Variants in NRXN1 observed in about 807,000 individuals in gnomAD.
The protein encoded by NRXN1 is neurexin 1.
Under a neutral mutation model 150.9 loss-of-function variants are expected in NRXN1, and 39 were observed. The ratio of observed to expected loss-of-function variants is 0.26; its 90% CI spans 0.20 to 0.34. The LOEUF (loss-of-function observed/expected upper bound fraction) is 0.34. Ranked by LOEUF, NRXN1 falls within the 10% of genes least tolerant of loss-of-function variation. The pLI is 1.00. For missense variants in NRXN1, 1,815 were observed against 1,949.9 expected (o/e 0.93, Z 1.30); for synonymous variants, 924 against 757.0 (o/e 1.22, Z -3.62).
At chr2:50,935,080 AT>A (rs1688323329) in intron 2 of NRXN1, among the ~76,000 whole-genome samples, 1 of 152,144 alleles carries the variant, frequency 6.6e-6, no homozygotes, top group Non-Finnish European at 1.5e-5. Context: ...GTCTATGACC[AT>A]TTTTCAATGT....
At chr2:50,671,143 G>A (rs1688782085) in intron 5 of NRXN1, among the ~76,000 whole-genome samples, 1 of 151,626 alleles carries the variant, frequency 6.6e-6, no homozygotes. Flanking sequence ...CTTCTACAAA[G>A]CTTGTATCTA....
At chr2:50,760,025 A>G (rs1189458203) in intron 5 of NRXN1, among the ~76,000 whole-genome samples, 2 of 151,898 alleles carry the variant, frequency 1.3e-5, no homozygotes, top group African/African-American at 4.8e-5. Flanking sequence ...AGCAGATCAT[A>G]GACTCAGTTT....
chr2:50,708,609 G>T (rs977182792), intron 5 of NRXN1, among the ~76,000 whole-genome samples: 1 of 152,036 alleles, frequency 6.6e-6, no homozygotes, highest in Non-Finnish European at 1.5e-5. Context: ...GTTACACAGA[G>T]GGAAGACTTA....
At chr2:50,543,650 C>T (rs1020192311) in intron 9 of NRXN1, among the ~76,000 whole-genome samples, 1 of 152,032 alleles carries the variant, frequency 6.6e-6, no homozygotes, top group Non-Finnish European at 1.5e-5. Flanking sequence ...TAAAACAGCT[C>T]TTAGTTATAA....
chr2:50,939,699 A>T (rs928619494), intron 2 of NRXN1, among the ~76,000 whole-genome samples: 1 of 152,196 alleles, frequency 6.6e-6, no homozygotes, highest in African/African-American at 2.4e-5. Context: ...CGTAAATACT[A>T]AACTAAAATA....
chr2:50,900,637 T>C (rs1197344055), intron 5 of NRXN1, among the ~76,000 whole-genome samples: 1 of 152,076 alleles, frequency 6.6e-6, no homozygotes, highest in Non-Finnish European at 1.5e-5. Flanking sequence ...AATTATTAAA[T>C]AAATAGGGCT....
chr2:50,229,744 C>A (rs548429795), intron 18 of NRXN1, among the ~76,000 whole-genome samples: 11 of 152,168 alleles, frequency 7.2e-5, no homozygotes, highest in Non-Finnish European at 1.5e-4. Context: ...TAATCACACA[C>A]ATTATAAATT....
At chr2:50,135,794 T>C (rs1041176358) in intron 18 of NRXN1, among the ~76,000 whole-genome samples, 1 of 152,230 alleles carries the variant, frequency 6.6e-6, no homozygotes, top group Non-Finnish European at 1.5e-5. Flanking sequence ...TGTAGTGTTT[T>C]AGACTTTCAT....
chr2:50,922,754 T>C (rs1686243690), intron 3 of NRXN1, 67 bp from the exon 4 acceptor site: 1 of 1,484,552 alleles, frequency 6.7e-7, no homozygotes, highest in South Asian at 1.2e-5. Context: ...GTTGTCACGG[T>C]GACAAAAATG....
chr2:50,272,632 A>C (rs879750792), intron 17 of NRXN1, among the ~76,000 whole-genome samples: 5 of 152,160 alleles, frequency 3.3e-5, no homozygotes, highest in Non-Finnish European at 7.3e-5. Flanking sequence ...TGGAAGAGTA[A>C]ATAAAACTAT....
At chr2:50,094,101 T>C (rs995061462) in intron 18 of NRXN1, among the ~76,000 whole-genome samples, 1 of 152,226 alleles carries the variant, frequency 6.6e-6, no homozygotes, top group African/African-American at 2.4e-5. Context: ...TTGGAATAAA[T>C]TGTAAGCAAC....
intron 17 of NRXN1, among the ~76,000 whole-genome samples, chr2:50,309,406 G>C (rs2074973955): frequency 6.6e-6 from 1 of 152,108 alleles, no homozygotes; most frequent in Admixed American, 6.5e-5. Context: ...TCCTTTATTT[G>C]GGATATGAGA....
intron 16 of NRXN1, among the ~76,000 whole-genome samples, chr2:50,467,197 A>AT (rs1008091624): frequency 2.0e-5 from 3 of 151,770 alleles, no homozygotes; most frequent in East Asian, 3.9e-4. Flanking sequence ...TTACGTCTGT[A>AT]TTTTCTACAC....
intron 18 of NRXN1, among the ~76,000 whole-genome samples, chr2:50,229,264 T>G (rs2064705920): frequency 6.6e-6 from 1 of 152,008 alleles, no homozygotes; most frequent in African/African-American, 2.4e-5. Flanking sequence ...ATATTTACAA[T>G]GCTGTTTCTA....
chr2:50,663,812 T>C (rs1232679650), intron 5 of NRXN1, among the ~76,000 whole-genome samples: 1 of 152,034 alleles, frequency 6.6e-6, no homozygotes, highest in Admixed American at 6.6e-5. Context: ...ACTGCAATTT[T>C]CTGTATCCCA....
chr2:50,239,589 C>A (rs971489794), intron 17 of NRXN1, among the ~76,000 whole-genome samples: 1 of 141,936 alleles, frequency 7.0e-6, no homozygotes, highest in Non-Finnish European at 1.5e-5. Context: ...TAAAGATTAA[C>A]GTGCTATCTA....
At chr2:50,121,917 C>T (rs183923511) in intron 18 of NRXN1, among the ~76,000 whole-genome samples, 6 of 152,176 alleles carry the variant, frequency 3.9e-5, no homozygotes, top group East Asian at 3.9e-4. Context: ...AGCATACAAC[C>T]GCAAGGGAGA....
At chr2:50,441,239 G>A (rs562586071) in intron 17 of NRXN1, among the ~76,000 whole-genome samples, 2 of 152,018 alleles carry the variant, frequency 1.3e-5, no homozygotes, top group Non-Finnish European at 2.9e-5. Flanking sequence ...TGTCTTAGGG[G>A]TCCCCAAATT....
intron 17 of NRXN1, among the ~76,000 whole-genome samples, chr2:50,299,052 C>A (rs1222401294): frequency 1.3e-5 from 2 of 152,042 alleles, no homozygotes; most frequent in African/African-American, 4.8e-5. Flanking sequence ...TTGATCTGAC[C>A]CCTGAGGTAG....
Sources: allele counts gnomAD v4.1 joint callset (sites outside exome capture counted in the v4.1 genomes callset), GRCh38; gene constraint gnomAD v4.1.1; transcripts MANE v1.5; gene names NCBI Gene and HGNC (gene_info 2026-07-23, HGNC 2026-07-21).